Variants in ABCB11 observed in about 807,000 individuals in gnomAD.
ABCB11 encodes bile salt export pump.
Under a neutral mutation model 148.0 loss-of-function variants are expected in ABCB11, and 95 were observed. That is an observed-to-expected ratio of 0.64 (90% CI 0.54 to 0.76). ABCB11 has a LOEUF of 0.76. Among genes scored for constraint, ABCB11 ranks in the 30% least tolerant of loss-of-function variants. The probability of loss-of-function intolerance (pLI) is 0.00; values close to 1 mark genes in which losing one functional copy is unlikely to be tolerated. For missense variants in ABCB11, 1,523 were observed against 1,617.8 expected (o/e 0.94, Z 1.01); for synonymous variants, 591 against 555.4 (o/e 1.06, Z -0.90).
In ABCB11 at chr2:168,970,420, T is replaced by C. The variant is rs1473965933; in HGVS notation, c.1639-205A>G. Reference sequence around the variant, plus strand: ...GTGAAATAAAGGAATTGATTTATGCTTTTATTCCAGGGTTTACTGGGCTGT... The same window carrying C: ...GTGAAATAAAGGAATTGATTTATGCCTTTATTCCAGGGTTTACTGGGCTGT... On this transcript the variant is annotated intron_variant, in intron 14 of 27. Coordinates refer to ENST00000650372, the MANE Select transcript of ABCB11 (RefSeq NM_003742.4). 7.2e-6 allele frequency: 10 copies of C among 1,385,692 alleles called. No individual in the cohort carries two copies. The South Asian group carries it at 8.7e-5, about 12-fold the overall frequency. The allele number at this position is 1,385,692 out of a possible 1,614,324, so 85.8% of individuals were successfully genotyped here. A position where few individuals can be genotyped will look rare whatever the true frequency, so the allele number is the denominator to read the frequency against.
intron 12 of ABCB11, among the ~76,000 whole-genome samples, chr2:168,975,205 T>A (rs1436583807): frequency 1.2e-5 from 1 of 85,612 alleles, no homozygotes; most frequent in East Asian, 4.0e-4. Context: ...ATAAATATTT[T>A]TATATTTAAA....
intron 5 of ABCB11, among the ~76,000 whole-genome samples, chr2:168,998,104 CAG>C (rs1230473738): frequency 2.0e-5 from 3 of 152,012 alleles, no homozygotes; most frequent in Non-Finnish European, 4.4e-5. Context: ...TATCCACAAT[CAG>C]AGGCTCTTAT....
At chr2:168,920,400 C>T (rs1004916858), downstream of ABCB11, among the ~76,000 whole-genome samples, 1 of 151,634 alleles carries the variant, frequency 6.6e-6, no homozygotes, top group Admixed American at 6.6e-5. Flanking sequence ...TAAATAAACT[C>T]TCTTGAACTA....
downstream of ABCB11, among the ~76,000 whole-genome samples, chr2:168,920,074 C>T (rs1691030946): frequency 6.6e-6 from 1 of 152,052 alleles, no homozygotes; most frequent in Non-Finnish European, 1.5e-5. Context: ...CCAGGTTGCC[C>T]AGGCTGGTCT....
intron 5 of ABCB11, among the ~76,000 whole-genome samples, chr2:169,006,958 T>G (rs1695036997): frequency 6.6e-6 from 1 of 152,176 alleles, no homozygotes; most frequent in South Asian, 2.1e-4. Context: ...GACGGCAATA[T>G]TCCTTAAACT....
At chr2:168,939,460 A>G (rs1273136849) in intron 21 of ABCB11, among the ~76,000 whole-genome samples, 2 of 152,110 alleles carry the variant, frequency 1.3e-5, no homozygotes, top group Non-Finnish European at 2.9e-5. Flanking sequence ...TTTTAGGAAC[A>G]CTACACATAA....
intron 18 of ABCB11, among the ~76,000 whole-genome samples, chr2:168,961,808 C>T (rs184833956): frequency 9.0e-4 from 136 of 151,670 alleles, no homozygotes; most frequent in Non-Finnish European, 1.5e-3. Context: ...AGAGTCAATA[C>T]TCCACAAGAC....
chr2:168,995,064 C>T (rs1327670295), intron 7 of ABCB11, among the ~76,000 whole-genome samples: 1 of 151,978 alleles, frequency 6.6e-6, no homozygotes, highest in East Asian at 1.9e-4. Flanking sequence ...AATCCAGTTA[C>T]ACCTGGACAG....
At chr2:169,012,101 A>G (rs1695204292) in intron 5 of ABCB11, among the ~76,000 whole-genome samples, 1 of 152,186 alleles carries the variant, frequency 6.6e-6, no homozygotes, top group Non-Finnish European at 1.5e-5. Flanking sequence ...AAGAGTGTCA[A>G]TGATTTAGAA....
intron 8 of ABCB11, 139 bp downstream of exon 8, chr2:168,993,572 A>G: frequency 2.8e-6 from 2 of 713,392 alleles, no homozygotes; most frequent in Non-Finnish European, 4.6e-6. Context: ...GACACTGGGG[A>G]GTAATCTAAC....
intron 10 of ABCB11, among the ~76,000 whole-genome samples, chr2:168,982,486 C>T (rs184174724): frequency 4.9e-4 from 74 of 152,148 alleles, no homozygotes; most frequent in African/African-American, 1.7e-3. Context: ...TCAGGAAGGT[C>T]ATGAAAGAAC....
intron 19 of ABCB11, among the ~76,000 whole-genome samples, chr2:168,950,817 T>C (rs1233931705): frequency 2.0e-5 from 3 of 151,766 alleles, no homozygotes; most frequent in Non-Finnish European, 4.4e-5. Flanking sequence ...TTTGGTTGTG[T>C]TTGCTTTTGA....
At chr2:168,952,420 G>T (rs755981958) in intron 19 of ABCB11, among the ~76,000 whole-genome samples, 3 of 151,376 alleles carry the variant, frequency 2.0e-5, no homozygotes, top group Admixed American at 6.6e-5. Context: ...TTATTAGTCT[G>T]TTCAGGTTTT....
chr2:169,001,215 A>C (rs1468269927), intron 5 of ABCB11, among the ~76,000 whole-genome samples: 1 of 152,174 alleles, frequency 6.6e-6, no homozygotes, highest in Admixed American at 6.6e-5. Flanking sequence ...TCTACCATAA[A>C]ACATAATTCA....
rs1691154278 is a variant in ABCB11, at chr2:168,923,326, C to T, written c.*296G>A. On this transcript the variant is annotated 3_prime_UTR_variant, in exon 28 of 28. Coordinates refer to ENST00000650372, the MANE Select transcript of ABCB11 (RefSeq NM_003742.4). ...TCCCACATATTAATCAGGACTGGCT[C>T]CTGCACAGAGAAGCACTGAGTGGTG... The T allele has an allele frequency of 2.0e-6, 1 of 494,974 alleles. No individual in the cohort carries two copies. Among genetic ancestry groups the T allele is most frequent in the Admixed American group, 3.4e-5 (1 of 29,638 alleles). 30.7% of individuals were successfully genotyped at this position (494,974 alleles called of 1,614,324 possible).
chr2:168,940,321 G>C (rs1474834986), intron 21 of ABCB11, among the ~76,000 whole-genome samples: 2 of 152,060 alleles, frequency 1.3e-5, no homozygotes, highest in African/African-American at 2.4e-5. Context: ...GAAATTAAAA[G>C]TGCTATTCTA....
At chr2:168,926,548 C>G (rs1051434220) in intron 26 of ABCB11, among the ~76,000 whole-genome samples, 7 of 152,272 alleles carry the variant, frequency 4.6e-5, no homozygotes, top group Admixed American at 4.6e-4. Context: ...CTATGCTAAA[C>G]TAAAGCTCAA....
At chr2:168,979,620 C>T (rs1003285073) in intron 11 of ABCB11, among the ~76,000 whole-genome samples, 6 of 137,500 alleles carry the variant, frequency 4.4e-5, no homozygotes, top group Admixed American at 8.4e-5. Context: ...TGCAGTGAGC[C>T]GAGATTGTGC....
intron 9 of ABCB11, among the ~76,000 whole-genome samples, chr2:168,990,384 C>T (rs1475609082): frequency 6.6e-6 from 1 of 152,036 alleles, no homozygotes; most frequent in Non-Finnish European, 1.5e-5. Flanking sequence ...TCTAGGTCAT[C>T]CAATTTGTTG....
Sources: allele counts gnomAD v4.1 joint callset (sites outside exome capture counted in the v4.1 genomes callset), GRCh38; gene constraint gnomAD v4.1.1; transcripts MANE v1.5; gene names NCBI Gene and HGNC (gene_info 2026-07-23, HGNC 2026-07-21).